RGL1: variants seen among roughly 807,000 people sequenced by gnomAD.
The protein encoded by RGL1 is ral guanine nucleotide dissociation stimulator-like 1.
In RGL1, 24 loss-of-function variants were observed where a neutral mutation model predicts 95.2. The ratio of observed to expected loss-of-function variants is 0.25; its 90% confidence interval spans 0.18 to 0.35. The LOEUF is 0.35. RGL1 is among the 10% of genes least tolerant of loss of function. The pLI is 1.00. For missense variants in RGL1, 715 were observed against 936.3 expected (o/e 0.76, Z 3.08); for synonymous variants, 329 against 344.9 (o/e 0.95, Z 0.51).
At chr1:183,869,658 C>G (rs1422903896) in intron 4 of RGL1, among the ~76,000 whole-genome samples, 1 of 152,082 alleles carries the variant, frequency 6.6e-6, no homozygotes, top group Non-Finnish European at 1.5e-5. Flanking sequence ...TTTTTCATCT[C>G]ACTTCACTAT....
At position 183,888,625 on chromosome 1, in the gene RGL1, G is replaced by C. The variant is rs1667252828; in HGVS notation, c.1055+48G>C. On this transcript the variant is annotated intron_variant, in intron 8 of 17. Transcript: ENST00000360851. Reference sequence around the variant, plus strand: ...TGCTTTTCTTTGGCCGGGATAATTAGTGGTTGTGATGAGTCCTCACCTTCA... The same window carrying C: ...TGCTTTTCTTTGGCCGGGATAATTACTGGTTGTGATGAGTCCTCACCTTCA... 5 of 1,235,824 alleles carry C rather than the reference G, an allele frequency of 4.0e-6. No homozygotes were observed. The East Asian group carries it at 1.2e-4, about 29-fold the overall frequency. The allele number at this position is 1,235,824 out of a possible 1,614,324, so 76.6% of individuals were successfully genotyped here. A position where few individuals can be genotyped will look rare whatever the true frequency, so the allele number is the denominator to read the frequency against.
At chr1:183,741,250 G>C (rs989777271) in intron 1 of RGL1, among the ~76,000 whole-genome samples, 1 of 152,184 alleles carries the variant, frequency 6.6e-6, no homozygotes, top group Non-Finnish European at 1.5e-5. Context: ...TGGAACATCA[G>C]TAACAGTTTT....
intron 7 of RGL1, among the ~76,000 whole-genome samples, chr1:183,886,284 C>T (rs1667104162): frequency 6.6e-6 from 1 of 152,162 alleles, no homozygotes; most frequent in Non-Finnish European, 1.5e-5. Flanking sequence ...GCATAAACAA[C>T]TTCTATTTCT....
intron 2 of RGL1, among the ~76,000 whole-genome samples, chr1:183,777,046 A>G (rs1415715522): frequency 2.6e-5 from 4 of 152,186 alleles, no homozygotes; most frequent in African/African-American, 9.7e-5. Flanking sequence ...CACATTTTCA[A>G]CCTAAGGACT....
At chr1:183,652,815 G>A (rs151007730) in intron 1 of RGL1, among the ~76,000 whole-genome samples, 1 of 151,846 alleles carries the variant, frequency 6.6e-6, no homozygotes, top group East Asian at 1.9e-4. Flanking sequence ...GATGTGTAGA[G>A]CCCAGCGTGC....
At chr1:183,913,083 A>G (rs1279748789) in intron 15 of RGL1, among the ~76,000 whole-genome samples, 1 of 152,150 alleles carries the variant, frequency 6.6e-6, no homozygotes, top group Non-Finnish European at 1.5e-5. Flanking sequence ...GAGAGGTGAT[A>G]AAAGAATTTC....
chr1:183,854,036 TA>T (rs1664987831), intron 3 of RGL1, among the ~76,000 whole-genome samples: 1 of 152,228 alleles, frequency 6.6e-6, no homozygotes, highest in African/African-American at 2.4e-5. Flanking sequence ...GCTGTGTGTA[TA>T]ATGGTGGACA....
At chr1:183,848,220 G>A (rs770229735) in intron 3 of RGL1, among the ~76,000 whole-genome samples, 1 of 152,104 alleles carries the variant, frequency 6.6e-6, no homozygotes. Context: ...ATGATGATGC[G>A]ATGATGATGA....
chr1:183,647,597 T>C, intron 1 of RGL1: 1 of 1,498,762 alleles, frequency 6.7e-7, no homozygotes, highest in Non-Finnish European at 8.9e-7. Flanking sequence ...GGCTCAGCCC[T>C]GAGAGAGAAA....
At chr1:183,775,060 A>G (rs2102340196) in intron 2 of RGL1, among the ~76,000 whole-genome samples, 1 of 152,198 alleles carries the variant, frequency 6.6e-6, no homozygotes, top group East Asian at 1.9e-4. Flanking sequence ...TCCTTGCTAT[A>G]TAAACCCCTA....
intron 10 of RGL1, among the ~76,000 whole-genome samples, chr1:183,899,025 T>C (rs1667865636): frequency 6.6e-6 from 1 of 152,222 alleles, no homozygotes; most frequent in Non-Finnish European, 1.5e-5. Flanking sequence ...AGAAGAGAGA[T>C]GATTTTAAAG....
intron 1 of RGL1, among the ~76,000 whole-genome samples, chr1:183,669,791 C>A (rs1265425960): frequency 6.6e-6 from 1 of 152,042 alleles, no homozygotes; most frequent in African/African-American, 2.4e-5. Context: ...ACAATCATGG[C>A]AGAAGGTGAA....
At chr1:183,772,005 G>A (rs1050657374) in intron 2 of RGL1, among the ~76,000 whole-genome samples, 2 of 152,240 alleles carry the variant, frequency 1.3e-5, no homozygotes, top group African/African-American at 4.8e-5. Context: ...AGCAGGTTTA[G>A]GCGGAGTTTG....
chr1:183,859,102 C>T (rs1457509315), intron 3 of RGL1, among the ~76,000 whole-genome samples: 5 of 152,192 alleles, frequency 3.3e-5, no homozygotes, highest in African/African-American at 9.7e-5. Flanking sequence ...CCAGTTTCTT[C>T]TGTTGTCCGT....
rs1187881613 is a variant in RGL1 at position 183,818,988 on chromosome 1, TG to T, written c.138+12506del. Among the ~76,000 whole-genome samples the T allele has an allele frequency of 2.0e-5, 3 of 152,226 alleles. No individual in the cohort carries two copies. In the East Asian group the frequency reaches 5.8e-4, roughly 29 times the overall value. On this transcript the variant is annotated intron_variant, in intron 2 of 17. Coordinates refer to ENST00000360851, the MANE Select transcript of RGL1 (RefSeq NM_001297671.3). ...TAGGTATGACAGTAACCTTTATAGA[TG>T]GGATGACTTGGAATTTAGAGTTAAT...
intron 11 of RGL1, among the ~76,000 whole-genome samples, chr1:183,901,534 C>T (rs1443274060): frequency 6.6e-6 from 1 of 152,030 alleles, no homozygotes; most frequent in Non-Finnish European, 1.5e-5. Context: ...AAAAACCCCA[C>T]AAGACTTTAA....
At chr1:183,892,935 C>A (rs1283529567) in intron 9 of RGL1, among the ~76,000 whole-genome samples, 1 of 152,208 alleles carries the variant, frequency 6.6e-6, no homozygotes, top group Non-Finnish European at 1.5e-5. Flanking sequence ...AGCCAAGACT[C>A]AGAGAGGGTA....
intron 14 of RGL1, among the ~76,000 whole-genome samples, chr1:183,909,161 A>T (rs1159550695): frequency 6.6e-6 from 1 of 152,216 alleles, no homozygotes; most frequent in Non-Finnish European, 1.5e-5. Context: ...ATATGCCCCC[A>T]TCTTATTTCT....
chr1:183,926,255 G>A lies in RGL1; in HGVS notation c.2270G>A (p.Gly757Asp), dbSNP rs766047553. The A allele has an allele frequency of 6.2e-7, 1 of 1,613,060 alleles. No individual in the cohort carries two copies. Among genetic ancestry groups the A allele is most frequent in the Non-Finnish European group, 8.5e-7 (1 of 1,179,570 alleles). ...ACGTTGCCCAGGACAGCTAAACGGG[G>A]CTGCTGGAGTAACAGACACAGCAAA... ...SLTLPRTAKR[G>D]CWSNRHSKIT... Residue 757 changes from glycine to aspartate, a missense_variant, in exon 18 of 18, where the codon GGC becomes GAC. Around this residue, in one of 3 missense-constraint regions of RGL1, gnomAD observed 330 missense variants for 429.6 expected, o/e 0.77. Coordinates refer to ENST00000360851, the MANE Select transcript of RGL1 (RefSeq NM_001297671.3).
Sources: allele counts gnomAD v4.1 joint callset (sites outside exome capture counted in the v4.1 genomes callset), GRCh38; gene constraint gnomAD v4.1.1; regional missense constraint gnomAD v4.1.1; transcripts MANE v1.5; gene names NCBI Gene and HGNC (gene_info 2026-07-23, HGNC 2026-07-21).